PLXDC2: variants seen among roughly 807,000 people sequenced by gnomAD.
The protein encoded by PLXDC2 is plexin domain containing 2, also known as plexin domain-containing protein 2.
In PLXDC2, 40 loss-of-function variants were observed where a neutral mutation model predicts 68.9. The ratio of observed to expected loss-of-function variants is 0.58; its 90% confidence interval spans 0.45 to 0.76. PLXDC2 has a LOEUF of 0.76. Among genes scored for constraint, PLXDC2 ranks in the 30% least tolerant of loss-of-function variants. The probability of loss-of-function intolerance (pLI) is 0.00; values close to 1 mark genes in which losing one functional copy is unlikely to be tolerated. For missense variants in PLXDC2, 644 were observed against 661.9 expected (o/e 0.97, Z 0.30); for synonymous variants, 243 against 234.2 (o/e 1.04, Z -0.34).
chr10:20,040,148 A>G (rs1589600182), intron 2 of PLXDC2, among the ~76,000 whole-genome samples: 4 of 152,260 alleles, frequency 2.6e-5, no homozygotes, highest in Admixed American at 2.6e-4. Flanking sequence ...CTGGAAAACA[A>G]GAAACAGATG....
At chr10:20,152,564 C>G (rs1159703900) in intron 6 of PLXDC2, among the ~76,000 whole-genome samples, 1 of 152,042 alleles carries the variant, frequency 6.6e-6, no homozygotes, top group African/African-American at 2.4e-5. Context: ...AGTTCTTTTT[C>G]TCAAATTACC....
intron 1 of PLXDC2, among the ~76,000 whole-genome samples, chr10:19,825,718 T>C (rs1836558060): frequency 6.6e-6 from 1 of 152,038 alleles, no homozygotes; most frequent in Non-Finnish European, 1.5e-5. Context: ...TAATGATGAG[T>C]TTTAAGATGG....
At chr10:19,920,406 G>A (rs1833440667) in intron 1 of PLXDC2, among the ~76,000 whole-genome samples, 1 of 152,222 alleles carries the variant, frequency 6.6e-6, no homozygotes, top group African/African-American at 2.4e-5. Context: ...ATAGCAGGCA[G>A]ACACAAAGAT....
intron 13 of PLXDC2, among the ~76,000 whole-genome samples, chr10:20,266,792 T>G (rs781358360): frequency 4.6e-5 from 7 of 152,202 alleles, no homozygotes; most frequent in Non-Finnish European, 1.0e-4. Flanking sequence ...AATAACAATA[T>G]AGGCGCTCCA....
chr10:20,188,807 G>A (rs765523220), intron 9 of PLXDC2, among the ~76,000 whole-genome samples: 9 of 151,676 alleles, frequency 5.9e-5, no homozygotes, highest in Non-Finnish European at 1.0e-4. Context: ...AGAATGTTGT[G>A]AACTAGTTAA....
intron 1 of PLXDC2, among the ~76,000 whole-genome samples, chr10:19,951,072 T>A (rs935169951): frequency 1.3e-5 from 2 of 152,156 alleles, no homozygotes; most frequent in Non-Finnish European, 2.9e-5. Context: ...AACACCATTC[T>A]GGACATCAGC....
At chr10:20,046,737 C>A in intron 2 of PLXDC2, 132 bp from the exon 3 acceptor site, 1 of 860,072 alleles carries the variant, frequency 1.2e-6, no homozygotes. Flanking sequence ...AAATTCACTT[C>A]TCCTAGAGTA....
chr10:20,268,023 T>C (rs565094418), intron 13 of PLXDC2, among the ~76,000 whole-genome samples: 1 of 152,224 alleles, frequency 6.6e-6, no homozygotes, highest in South Asian at 2.1e-4. Flanking sequence ...TGAATATCAC[T>C]GGAGCCCTAA....
At chr10:20,040,028 C>G (rs752171690) in intron 2 of PLXDC2, among the ~76,000 whole-genome samples, 8 of 152,304 alleles carry the variant, frequency 5.3e-5, no homozygotes, top group African/African-American at 1.9e-4. Flanking sequence ...GAAACCTTAA[C>G]AGCTGAGTTC....
At chr10:20,247,798 C>T (rs1031292904) in intron 13 of PLXDC2, among the ~76,000 whole-genome samples, 10 of 152,236 alleles carry the variant, frequency 6.6e-5, no homozygotes, top group East Asian at 3.9e-4. Flanking sequence ...CCTGGAAAAA[C>T]GTTCATAATA....
chr10:20,070,365 A>G, intron 4 of PLXDC2, among the ~76,000 whole-genome samples: 1 of 152,208 alleles, frequency 6.6e-6, no homozygotes. Context: ...AACCCAAGGA[A>G]AAGGAATCAT....
intron 1 of PLXDC2, among the ~76,000 whole-genome samples, chr10:19,877,485 G>A (rs184328548): frequency 1.8e-4 from 28 of 152,284 alleles, no homozygotes; most frequent in Admixed American, 1.2e-3. Context: ...ATATGACTAT[G>A]TGACTAAGTT....
chr10:19,884,974 G>C (rs1195996861), intron 1 of PLXDC2, among the ~76,000 whole-genome samples: 3 of 152,204 alleles, frequency 2.0e-5, no homozygotes, highest in African/African-American at 7.2e-5. Context: ...CACCAACAGT[G>C]TAGAAGTGTT....
intron 2 of PLXDC2, among the ~76,000 whole-genome samples, chr10:20,037,629 A>G (rs1396583557): frequency 1.3e-5 from 2 of 152,202 alleles, no homozygotes; most frequent in Non-Finnish European, 2.9e-5. Flanking sequence ...CATTTAATAA[A>G]TGAACCAACA....
chr10:20,212,115 G>A (rs905478811), intron 10 of PLXDC2, among the ~76,000 whole-genome samples: 12 of 151,864 alleles, frequency 7.9e-5, no homozygotes, highest in African/African-American at 2.7e-4. Context: ...GTGAAGTGTG[G>A]GTTCTTGGAG....
chr10:19,986,443 T>G (rs1385558976), intron 1 of PLXDC2, among the ~76,000 whole-genome samples: 1 of 152,046 alleles, frequency 6.6e-6, no homozygotes, highest in Admixed American at 6.6e-5. Context: ...TGACTTAATT[T>G]TAATTAAACT....
chr10:19,866,924 C>T (rs1043342864), intron 1 of PLXDC2, among the ~76,000 whole-genome samples: 1 of 152,080 alleles, frequency 6.6e-6, no homozygotes, highest in Admixed American at 6.6e-5. Flanking sequence ...GTCAAGGAAG[C>T]AAGGCTTTGT....
At chr10:19,982,513 CTTCAA>C (rs1428367196) in intron 1 of PLXDC2, among the ~76,000 whole-genome samples, 2 of 152,158 alleles carry the variant, frequency 1.3e-5, no homozygotes, top group Non-Finnish European at 2.9e-5. Context: ...TATTTGTTTT[CTTCAA>C]TTCAATGTTA....
intron 1 of PLXDC2, among the ~76,000 whole-genome samples, chr10:19,958,815 T>TTTTTG (rs149765264): frequency 0.16 from 24,624 of 151,746 alleles, 2,630 homozygotes; most frequent in African/African-American, 0.31. Flanking sequence ...TGTATGTAAG[T>TTTTTG]TTTTGTTTTG....
Sources: allele counts gnomAD v4.1 joint callset (sites outside exome capture counted in the v4.1 genomes callset), GRCh38; gene constraint gnomAD v4.1.1; transcripts MANE v1.5; gene names NCBI Gene and HGNC (gene_info 2026-07-23, HGNC 2026-07-21).